The following CNTNAP2 variants were observed in gnomAD, a reference collection of about 807,000 sequenced individuals.
CNTNAP2 encodes contactin-associated protein-like 2.
A neutral mutation model predicts 155.2 loss-of-function variants in CNTNAP2; 98 were observed. The ratio of observed to expected loss-of-function variants is 0.63; its 90% CI spans 0.54 to 0.75. The LOEUF (loss-of-function observed/expected upper bound fraction) is 0.75, where lower values mean the gene tolerates loss of function less well. CNTNAP2 is among the 30% of genes least tolerant of loss of function. The pLI is 0.00. For missense variants in CNTNAP2, 1,727 were observed against 1,688.1 expected (o/e 1.02, Z -0.40); for synonymous variants, 651 against 631.2 (o/e 1.03, Z -0.47).
chr7:146,463,174 G>T (rs1023916381), intron 1 of CNTNAP2, among the ~76,000 whole-genome samples: 1 of 152,032 alleles, frequency 6.6e-6, no homozygotes, highest in African/African-American at 2.4e-5. Flanking sequence ...GGAGAGTGAT[G>T]AATACAAGAA....
intron 13 of CNTNAP2, among the ~76,000 whole-genome samples, chr7:147,775,842 T>C (rs574734176): frequency 5.3e-5 from 8 of 152,230 alleles, no homozygotes; most frequent in Admixed American, 5.2e-4. Context: ...CTGGCATTCA[T>C]GGGTAATGTT....
chr7:147,700,148 C>T (rs1796214829), intron 13 of CNTNAP2, among the ~76,000 whole-genome samples: 2 of 152,196 alleles, frequency 1.3e-5, no homozygotes, highest in South Asian at 4.1e-4. Flanking sequence ...TTTTTCCCTT[C>T]GAAGGCTTTT....
chr7:148,113,806 T>G (rs1481132082), intron 15 of CNTNAP2, among the ~76,000 whole-genome samples: 2 of 152,214 alleles, frequency 1.3e-5, no homozygotes, highest in African/African-American at 2.4e-5. Flanking sequence ...CAGTGTCATC[T>G]CGATCATTCT....
chr7:147,726,361 G>T (rs1192919684), intron 13 of CNTNAP2, among the ~76,000 whole-genome samples: 2 of 151,964 alleles, frequency 1.3e-5, no homozygotes, highest in Non-Finnish European at 2.9e-5. Context: ...CCCAGGACTG[G>T]CCACTTGCTA....
chr7:148,078,218 C>T (rs1025982595), intron 15 of CNTNAP2, among the ~76,000 whole-genome samples: 1 of 151,998 alleles, frequency 6.6e-6, no homozygotes, highest in Non-Finnish European at 1.5e-5. Flanking sequence ...TGCATGCCAG[C>T]ATGCCAGGCT....
intron 11 of CNTNAP2, among the ~76,000 whole-genome samples, chr7:147,531,074 C>T (rs548702907): frequency 6.6e-6 from 1 of 152,338 alleles, no homozygotes; most frequent in East Asian, 1.9e-4. Flanking sequence ...CCAGGTCACG[C>T]TGATGCAAGG....
intron 21 of CNTNAP2, among the ~76,000 whole-genome samples, chr7:148,337,233 G>A (rs952339939): frequency 6.6e-6 from 1 of 151,822 alleles, no homozygotes; most frequent in Admixed American, 6.6e-5. Flanking sequence ...TCTGCTCCCT[G>A]AGTCTGTGAG....
chr7:148,146,750 CACCCTCATTACACCAACAATAGGTT>C (rs1805187944), intron 16 of CNTNAP2, among the ~76,000 whole-genome samples: 3 of 152,124 alleles, frequency 2.0e-5, no homozygotes, highest in East Asian at 1.9e-4. Context: ...AACAATAGGT[CACCCTCATTACACCAACAATAGGTT>C]ACCCTCATTA....
intron 20 of CNTNAP2, among the ~76,000 whole-genome samples, chr7:148,259,179 TAA>T (rs34229180): frequency 0.054 from 1,298 of 23,844 alleles, 5 homozygotes; most frequent in African/African-American, 0.11. Context: ...AACTCCGTCT[TAA>T]AAAAAAAAAA....
intron 12 of CNTNAP2, among the ~76,000 whole-genome samples, chr7:147,619,759 C>T (rs1358097521): frequency 6.6e-6 from 1 of 152,184 alleles, no homozygotes; most frequent in Non-Finnish European, 1.5e-5. Context: ...TGACTCGCCA[C>T]CCTGAAGGGA....
At chr7:148,137,752 C>T (rs1804990160) in intron 16 of CNTNAP2, among the ~76,000 whole-genome samples, 1 of 151,120 alleles carries the variant, frequency 6.6e-6, no homozygotes, top group Non-Finnish European at 1.5e-5. Context: ...CCTTTCCTCT[C>T]TAATGTCTCT....
intron 1 of CNTNAP2, among the ~76,000 whole-genome samples, chr7:146,508,376 G>T (rs1450106629): frequency 6.6e-6 from 1 of 152,188 alleles, no homozygotes; most frequent in Non-Finnish European, 1.5e-5. Flanking sequence ...ATTCAAGTAT[G>T]GAGGAGATAT....
chr7:146,188,451 C>T (rs73739513), intron 1 of CNTNAP2, among the ~76,000 whole-genome samples: 5,044 of 152,194 alleles, frequency 0.033, 281 homozygotes, highest in African/African-American at 0.12. Context: ...TTAGCTAGTT[C>T]GAGGCAGAAC....
intron 1 of CNTNAP2, among the ~76,000 whole-genome samples, chr7:146,504,058 A>G (rs6961924): frequency 0.066 from 10,047 of 152,282 alleles, 821 homozygotes; most frequent in African/African-American, 0.19. Context: ...TAGTGCGCGG[A>G]ATTGTGCGCC....
chr7:147,392,008 T>G (rs1223216207), intron 9 of CNTNAP2, among the ~76,000 whole-genome samples: 1 of 152,160 alleles, frequency 6.6e-6, no homozygotes, highest in East Asian at 1.9e-4. Context: ...AGATGCCCGA[T>G]GGCTCCTTCA....
chr7:146,787,232 G>A (rs975439916), intron 2 of CNTNAP2, among the ~76,000 whole-genome samples: 4 of 152,148 alleles, frequency 2.6e-5, no homozygotes, highest in Admixed American at 6.5e-5. Context: ...TTAAAATCAC[G>A]TGCTTCTGAG....
chr7:146,369,811 TA>T (rs1200806633), intron 1 of CNTNAP2, among the ~76,000 whole-genome samples: 1 of 152,134 alleles, frequency 6.6e-6, no homozygotes, highest in Non-Finnish European at 1.5e-5. Context: ...ATATCACATT[TA>T]TCACAAGTTA....
At chr7:147,738,499 C>T (rs73472876) in intron 13 of CNTNAP2, among the ~76,000 whole-genome samples, 408 of 152,294 alleles carry the variant, frequency 2.7e-3, no homozygotes, top group African/African-American at 9.5e-3. Flanking sequence ...AGGCAAGACC[C>T]TTCACTAGGA....
At chr7:147,416,738 C>T (rs1231384577) in intron 10 of CNTNAP2, among the ~76,000 whole-genome samples, 1 of 152,132 alleles carries the variant, frequency 6.6e-6, no homozygotes, top group Non-Finnish European at 1.5e-5. Flanking sequence ...CTCTGAAGAC[C>T]TGTATCCATT....
Sources: allele counts gnomAD v4.1 joint callset (sites outside exome capture counted in the v4.1 genomes callset), GRCh38; gene constraint gnomAD v4.1.1; transcripts MANE v1.5; gene names NCBI Gene and HGNC (gene_info 2026-07-23, HGNC 2026-07-21).